Variants in AGO3 observed in about 807,000 individuals in gnomAD.
AGO3 encodes the protein argonaute RISC catalytic component 3.
Under a neutral mutation model 105.5 loss-of-function variants are expected in AGO3, and 16 were observed. The ratio of observed to expected loss-of-function variants is 0.15; its 90% CI spans 0.10 to 0.23. AGO3 has a LOEUF of 0.23. Ranked by LOEUF, AGO3 falls within the 10% of genes least tolerant of loss-of-function variation. AGO3 has a pLI of 1.00. For missense variants in AGO3, 534 were observed against 1,088.0 expected (o/e 0.49, Z 7.16); for synonymous variants, 340 against 367.3 (o/e 0.93, Z 0.85).
intron 2 of AGO3, among the ~76,000 whole-genome samples, chr1:35,958,673 G>T (rs1482090197): frequency 2.0e-5 from 3 of 151,102 alleles, no homozygotes; most frequent in East Asian, 1.9e-4. Context: ...AAAGAAAAAA[G>T]ATCTAAAATA....
chr1:36,054,695 A>G (rs1381833074), intron 17 of AGO3, among the ~76,000 whole-genome samples: 1 of 152,182 alleles, frequency 6.6e-6, no homozygotes, highest in Admixed American at 6.5e-5. Flanking sequence ...AGCCTGACCA[A>G]CATGGCAAAA....
chr1:35,949,258 A>T (rs1218505125), intron 2 of AGO3, among the ~76,000 whole-genome samples: 1 of 152,138 alleles, frequency 6.6e-6, no homozygotes, highest in Non-Finnish European at 1.5e-5. Context: ...TTTTATAGGA[A>T]CTGTAGGACT....
At chr1:35,947,126 T>C (rs1167115401) in intron 2 of AGO3, among the ~76,000 whole-genome samples, 1 of 152,066 alleles carries the variant, frequency 6.6e-6, no homozygotes, top group Non-Finnish European at 1.5e-5. Context: ...TTTATTTATT[T>C]TTGAAGGAAG....
chr1:36,023,503 G>A (rs1167977887), intron 11 of AGO3, among the ~76,000 whole-genome samples: 1 of 152,214 alleles, frequency 6.6e-6, no homozygotes, highest in Non-Finnish European at 1.5e-5. Flanking sequence ...GAAGACTTAT[G>A]TACAGAAAAA....
In AGO3 at chr1:36,000,482, T is replaced by A. The variant is rs574772509; in HGVS notation, c.659-3859T>A. 1.7e-3 allele frequency among the ~76,000 whole-genome samples: 258 copies of A among 152,320 alleles called. 2 individuals are homozygous for A. Among genetic ancestry groups the A allele is most frequent in the Non-Finnish European group, 2.9e-3 (195 of 68,004 alleles). On this transcript the variant is annotated intron_variant, in intron 5 of 18. Transcript: ENST00000373191. ...GAGAAATAACTCTAGCATGTTTGTTTAGTAGTTACAAGTAATTACAACTTT... is the reference window on the plus strand; with the variant it reads ...GAGAAATAACTCTAGCATGTTTGTTAAGTAGTTACAAGTAATTACAACTTT...
At chr1:36,048,817 A>G (rs1400684568) in intron 17 of AGO3, among the ~76,000 whole-genome samples, 1 of 152,066 alleles carries the variant, frequency 6.6e-6, no homozygotes, top group African/African-American at 2.4e-5. Flanking sequence ...AGCCTCCTGC[A>G]TGGCTGGGAC....
chr1:36,035,931 G>T (rs547592331), intron 13 of AGO3, among the ~76,000 whole-genome samples: 24 of 152,062 alleles, frequency 1.6e-4, no homozygotes, highest in Non-Finnish European at 3.2e-4. Flanking sequence ...TACTTGGGAG[G>T]CTAAGGCAGG....
Position 36,067,149 on chromosome 1 carries a change from C to G in AGO3, c.*11404C>G, listed in dbSNP as rs1643105764. ...ATAGAAAACACCAAGCAGGGCCTTT[C>G]CAGACAATGTAGTCTTTCCTGTAAA... On this transcript the variant is annotated 3_prime_UTR_variant, in exon 19 of 19. Transcript: ENST00000373191. 1 of 152,120 alleles carries G rather than the reference C, an allele frequency of 6.6e-6. No homozygotes were observed. Among genetic ancestry groups the G allele is most frequent in the African/African-American group, 2.4e-5 (1 of 41,412 alleles). The allele number at this position is 152,120 out of a possible 1,614,324, so 9.4% of individuals were successfully genotyped here.
chr1:35,934,888 G>A (rs953325125), intron 1 of AGO3, among the ~76,000 whole-genome samples: 1 of 152,100 alleles, frequency 6.6e-6, no homozygotes, highest in African/African-American at 2.4e-5. Context: ...CTGACCTCAG[G>A]TGATCTGCCT....
intron 5 of AGO3, among the ~76,000 whole-genome samples, chr1:35,995,207 A>C (rs867160126): frequency 9.4e-6 from 1 of 106,482 alleles, no homozygotes; most frequent in Non-Finnish European, 1.8e-5. Context: ...TCTAAAAAAA[A>C]AAATATATAT....
chr1:36,032,911 G>C (rs188398367), intron 12 of AGO3, among the ~76,000 whole-genome samples: 2,318 of 152,112 alleles, frequency 0.015, 50 homozygotes, highest in African/African-American at 0.053. Flanking sequence ...GATCACCTGA[G>C]GTCAGGAGTT....
intron 11 of AGO3, 123 bp from the exon 12 acceptor site, chr1:36,026,991 C>G: frequency 8.8e-7 from 1 of 1,141,920 alleles, no homozygotes; most frequent in Non-Finnish European, 1.3e-6. Context: ...CTGGTGACCT[C>G]TCATATATGA....
At chr1:35,984,326 C>A (rs1647120474) in intron 5 of AGO3, 1 of 152,042 alleles carries the variant, frequency 6.6e-6, no homozygotes, top group Non-Finnish European at 1.5e-5. Flanking sequence ...CAGAGTGAGA[C>A]CCCTATCTCT....
In AGO3 at chr1:36,028,772, G is replaced by T. The variant is rs112159397; in HGVS notation, c.1591+1474G>T. On this transcript the variant is annotated intron_variant, in intron 12 of 18. Transcript: ENST00000373191. ...TTGGGTATATACCCAGTAATGGGAT[G>T]GCTGGGTCAAATGGTATTTCTAGTT... 7.9e-5 allele frequency among the ~76,000 whole-genome samples: 12 copies of T among 151,890 alleles called. 1 individual carries two copies. Among genetic ancestry groups the T allele is most frequent in the African/African-American group, 2.7e-4 (11 of 41,426 alleles).
chr1:35,991,178 T>C (rs924848678), intron 5 of AGO3, among the ~76,000 whole-genome samples: 4 of 151,890 alleles, frequency 2.6e-5, no homozygotes, highest in Non-Finnish European at 5.9e-5. Flanking sequence ...GTGGTGTGCA[T>C]CTGTAGTCCC....
At chr1:35,965,020 C>A (rs1186208960) in intron 2 of AGO3, among the ~76,000 whole-genome samples, 1 of 150,968 alleles carries the variant, frequency 6.6e-6, no homozygotes, top group East Asian at 1.9e-4. Context: ...TTTTTTATTC[C>A]TAAGATGTTT....
chr1:36,067,836 AAAAG>A lies in AGO3; in HGVS notation c.*12094_*12097del, dbSNP rs1442056391. 5.9e-5 allele frequency: 9 copies of A among 152,238 alleles called. No individual in the cohort carries two copies. Among genetic ancestry groups the A allele is most frequent in the Admixed American group, 5.9e-4 (9 of 15,266 alleles). 9.4% of individuals were successfully genotyped at this position (152,238 alleles called of 1,614,324 possible). On this transcript the variant is annotated 3_prime_UTR_variant, in exon 19 of 19. Coordinates refer to ENST00000373191, the MANE Select transcript of AGO3 (RefSeq NM_024852.4). The stretch of plus-strand genomic sequence containing the variant: ...GTGAGACTCCGTCTCAAAAAAAAAA[AAAAG>A]AAGGAATAGGAAAAGGACTTAGAGG...
chr1:35,974,812 T>C (rs755770381), intron 5 of AGO3, among the ~76,000 whole-genome samples: 1 of 152,210 alleles, frequency 6.6e-6, no homozygotes, highest in Non-Finnish European at 1.5e-5. Flanking sequence ...CAGTGTCCTA[T>C]TGAAAATTAG....
At chr1:36,025,645 T>G (rs560663206) in intron 11 of AGO3, among the ~76,000 whole-genome samples, 1 of 152,330 alleles carries the variant, frequency 6.6e-6, no homozygotes, top group Non-Finnish European at 1.5e-5. Context: ...CAAAGATCAC[T>G]CAGATCCTTG....
Sources: allele counts gnomAD v4.1 joint callset (sites outside exome capture counted in the v4.1 genomes callset), GRCh38; gene constraint gnomAD v4.1.1; transcripts MANE v1.5; gene names NCBI Gene and HGNC (gene_info 2026-07-23, HGNC 2026-07-21).